Variants in NTS observed in about 807,000 individuals in gnomAD.
The protein encoded by NTS is neurotensin, also known as neurotensin/neuromedin N.
NTS carries 20 observed loss-of-function variants against 19.5 expected under a neutral mutation model. The ratio of observed to expected loss-of-function variants is 1.02; its 90% CI spans 0.72 to 1.49. The LOEUF is 1.49. Ranked by LOEUF, NTS falls within the 40% of genes most tolerant of loss-of-function variation. The pLI is 0.00. For missense variants in NTS, 215 were observed against 193.1 expected (o/e 1.11, Z -0.67); for synonymous variants, 71 against 63.3 (o/e 1.12, Z -0.58).
intron 3 of NTS, 72 bp downstream of exon 3, chr12:85,878,641 A>T: frequency 3.5e-6 from 3 of 850,666 alleles, no homozygotes; most frequent in Non-Finnish European, 5.1e-6. Flanking sequence ...AATTTCTTAA[A>T]TTCCCAATCA....
In NTS at chr12:85,880,229, T is replaced by C. The variant is rs1362296642; in HGVS notation, c.360+1660T>C. 2.0e-5 allele frequency among the ~76,000 whole-genome samples: 3 copies of C among 152,096 alleles called. No individual in the cohort carries two copies. The East Asian group carries it at 5.8e-4, about 29-fold the overall frequency. On this transcript the variant is annotated intron_variant, in intron 3 of 3. Coordinates refer to ENST00000256010, the MANE Select transcript of NTS (RefSeq NM_006183.5). ...ACTTGCAAAATGCTTTACAATTTATTGTCTTCAATGATATATTTTGCTCTG... is the reference window on the plus strand; with the variant it reads ...ACTTGCAAAATGCTTTACAATTTATCGTCTTCAATGATATATTTTGCTCTG...
intron 2 of NTS, among the ~76,000 whole-genome samples, chr12:85,877,012 A>G (rs1376268570): frequency 5.9e-5 from 9 of 152,108 alleles, no homozygotes; most frequent in Non-Finnish European, 4.4e-5. Flanking sequence ...GATGAAAGGT[A>G]TATTGGTCTC....
At position 85,878,481 on chromosome 12, in the gene NTS, C is replaced by A. The variant is rs1401782240; in HGVS notation, c.272C>A (p.Thr91Asn). The change falls in exon 3 of 4, where the codon ACT (threonine) becomes AAT (asparagine). Residue 91 changes from threonine (T) to asparagine (N), a missense_variant. Transcript: ENST00000256010. Reference sequence around the variant, plus strand: ...CTTGTTGCAAGAAGGAAACTTCCTACTGCTTTAGATGGCTTTAGCTTGGAA... The same window carrying A: ...CTTGTTGCAAGAAGGAAACTTCCTAATGCTTTAGATGGCTTTAGCTTGGAA... ...EELVARRKLP[T>N]ALDGFSLEAM... The A allele has an allele frequency of 1.2e-6, 2 of 1,613,912 alleles. No individual in the cohort carries two copies. Among genetic ancestry groups the A allele is most frequent in the Admixed American group, 3.3e-5 (2 of 60,004 alleles).
At chr12:85,874,997 A>T (rs1407409230) in intron 1 of NTS, among the ~76,000 whole-genome samples, 4 of 152,220 alleles carry the variant, frequency 2.6e-5, no homozygotes. Context: ...TATTTGTAGA[A>T]AATTATTTCT....
At chr12:85,878,162 A>C in intron 2 of NTS, 183 bp from the exon 3 acceptor site, 1 of 487,064 alleles carries the variant, frequency 2.1e-6, no homozygotes, top group Non-Finnish European at 3.6e-6. Context: ...TTTATTAAAC[A>C]GAAGTTATGA....
rs1881281189 is a variant in NTS, at chr12:85,874,340, TAG to T, written c.-57_-56del. The T allele has an allele frequency of 1.0e-5, 12 of 1,159,602 alleles. No individual in the cohort carries two copies. The South Asian group carries it at 1.3e-4, about 13-fold the overall frequency. The allele number at this position is 1,159,602 out of a possible 1,614,324, so 71.8% of individuals were successfully genotyped here. A position where few individuals can be genotyped will look rare whatever the true frequency, so the allele number is the denominator to read the frequency against. On this transcript the variant is annotated 5_prime_UTR_variant, in exon 1 of 4. Coordinates refer to ENST00000256010, the MANE Select transcript of NTS (RefSeq NM_006183.5). ...GCCAGCTGAAGGAAAGAGGAAGTGC[TAG>T]AGAGAGCCCCCTTCAGTGTGCTTCT...
In NTS at chr12:85,878,569, G is replaced by T; in HGVS notation, c.360G>T (p.Glu120Asp). 6.4e-7 allele frequency: 1 copy of T among 1,574,622 alleles called. No individual in the cohort carries two copies. The highest frequency in any genetic ancestry group is 8.7e-7 in the Non-Finnish European group (1 of 1,153,436). Residue 120 changes from glutamate (E) to aspartate (D), a missense_variant and splice_region_variant, in exon 3 of 4, where the codon GAG becomes GAT. Glu to Asp is a conservative substitution (Grantham distance 45). Coordinates refer to ENST00000256010, the MANE Select transcript of NTS (RefSeq NM_006183.5). ...ACAGCAGGGCTTTTCAACACTGGGA[G>T]GTATAGCAATAACAAAATATTAATA... ...ICHSRAFQHW[E>D]LIQEDILDTG...
At position 85,874,364 on chromosome 12, in the gene NTS, T is replaced by C. The variant is rs1487025943; in HGVS notation, c.-40T>C. 1.3e-6 allele frequency: 2 copies of C among 1,501,522 alleles called. No individual in the cohort carries two copies. Among genetic ancestry groups the C allele is most frequent in the Non-Finnish European group, 9.3e-7 (1 of 1,077,360 alleles). The allele number at this position is 1,501,522 out of a possible 1,614,324, so 93.0% of individuals were successfully genotyped here. A position where few individuals can be genotyped will look rare whatever the true frequency, so the allele number is the denominator to read the frequency against. ...CTAGAGAGAGCCCCCTTCAGTGTGC[T>C]TCTGACTTTTACGGACTTGGCTTGT... On this transcript the variant is annotated 5_prime_UTR_variant, in exon 1 of 4. Coordinates refer to ENST00000256010, the MANE Select transcript of NTS (RefSeq NM_006183.5).
chr12:85,875,126 A>G (rs1215395652), intron 1 of NTS, among the ~76,000 whole-genome samples: 1 of 152,186 alleles, frequency 6.6e-6, no homozygotes, highest in Non-Finnish European at 1.5e-5. Flanking sequence ...AATACAAAAT[A>G]CAATTGGAAA....
chr12:85,876,762 G>A, intron 2 of NTS, 61 bp downstream of exon 2: 1 of 871,212 alleles, frequency 1.1e-6, no homozygotes, highest in African/African-American at 1.7e-5. Flanking sequence ...TTATAAACAT[G>A]GTATCCTTTT....
Position 85,878,528 on chromosome 12 carries a change from C to T in NTS, c.319C>T (p.Leu107Phe), listed in dbSNP as rs1470789801. The T allele has an allele frequency of 5.0e-6, 8 of 1,612,980 alleles. No homozygotes were observed. Among genetic ancestry groups the T allele is most frequent in the African/African-American group, 2.7e-5 (2 of 74,910 alleles). ...SLEAMLTIYQ[L>F]HKICHSRAFQ... ...GGAAGCAATGTTGACAATATACCAG[C>T]TCCACAAAATCTGTCACAGCAGGGC... The change falls in exon 3 of 4, where the codon CTC becomes TTC. Residue 107 changes from leucine (L) to phenylalanine (F), a missense_variant. Physicochemically the swap from Leu to Phe is conservative, Grantham distance 22. Transcript: ENST00000256010.
rs1292088752 is a variant in NTS, at chr12:85,882,521, A to T, written c.*146A>T. 1 of 625,662 alleles carries T rather than the reference A, an allele frequency of 1.6e-6. No homozygotes were observed. The highest frequency in any genetic ancestry group is 2.7e-6 in the Non-Finnish European group (1 of 367,242). 38.8% of individuals were successfully genotyped at this position (625,662 alleles called of 1,614,324 possible). On this transcript the variant is annotated 3_prime_UTR_variant, in exon 4 of 4. Transcript: ENST00000256010. ...TTGAATGTGATTTTTCTGCACTAATATAAATTAGACTAAGTGTTTTCAAAT... is the reference window on the plus strand; with the variant it reads ...TTGAATGTGATTTTTCTGCACTAATTTAAATTAGACTAAGTGTTTTCAAAT...
Position 85,882,321 on chromosome 12 carries a change from T to C in NTS, c.459T>C (p.Tyr153=). The C allele has an allele frequency of 6.2e-7, 1 of 1,608,386 alleles. No individual in the cohort carries two copies. The highest frequency in any genetic ancestry group is 8.5e-7 in the Non-Finnish European group (1 of 1,177,792). The change falls in exon 4 of 4, where the codon TAT becomes TAC. Residue 153 remains tyrosine, a synonymous_variant. Coordinates refer to ENST00000256010, the MANE Select transcript of NTS (RefSeq NM_006183.5). ...CTTATATTCTGAAACGGCAGCTGTA[T>C]GAGAATAAACCCAGAAGACCCTACA... ...KIPYILKRQL[Y]ENKPRRPYIL...
intron 3 of NTS, 100 bp from the exon 4 acceptor site, chr12:85,882,123 C>A: frequency 2.2e-6 from 2 of 916,974 alleles, no homozygotes; most frequent in Non-Finnish European, 1.7e-6. Context: ...CTACATATGT[C>A]TTGCTGTCTT....
chr12:85,874,489 G>A lies in NTS; in HGVS notation c.73+13G>A, dbSNP rs1881286752. On this transcript the variant is annotated intron_variant, in intron 1 of 3. Coordinates refer to ENST00000256010, the MANE Select transcript of NTS (RefSeq NM_006183.5). ...AGTCTGTGCTCAGGTAAGCAAAACA[G>A]AATTTCACAACTCCCTGAAGTGATT... 6.3e-7 allele frequency: 1 copy of A among 1,585,592 alleles called. No homozygotes were observed.
chr12:85,882,127 C>T (rs755697118), intron 3 of NTS, 96 bp from the exon 4 acceptor site: 4 of 957,748 alleles, frequency 4.2e-6, no homozygotes, highest in Non-Finnish European at 6.4e-6. Flanking sequence ...ATATGTCTTG[C>T]TGTCTTAACA....
At chr12:85,876,251 G>A (rs1881340802) in intron 1 of NTS, among the ~76,000 whole-genome samples, 1 of 151,766 alleles carries the variant, frequency 6.6e-6, no homozygotes, top group Admixed American at 6.6e-5. Flanking sequence ...ATTATGTTGT[G>A]TTTTTAAATG....
chr12:85,876,803 A>G, intron 2 of NTS, 102 bp downstream of exon 2: 1 of 611,248 alleles, frequency 1.6e-6, no homozygotes, highest in South Asian at 4.2e-5. Context: ...TCAAGATTGA[A>G]AAGTTCCTTG....
chr12:85,876,869 T>A (rs1460585878), intron 2 of NTS, among the ~76,000 whole-genome samples, 168 bp downstream of exon 2: 1 of 151,864 alleles, frequency 6.6e-6, no homozygotes, highest in Non-Finnish European at 1.5e-5. Context: ...AAGTTAAAGG[T>A]GTTGATATGA....
Sources: gnomAD v4.1 joint callset for allele counts (sites outside exome capture counted in the v4.1 genomes callset) on GRCh38, gnomAD v4.1.1 for gene constraint, MANE v1.5 for transcripts, NCBI Gene and HGNC (gene_info 2026-07-23, HGNC 2026-07-21) for gene names.